The following ADGRL3 variants were observed in gnomAD, a reference collection of about 807,000 sequenced individuals.
ADGRL3 encodes calcium-independent alpha-latrotoxin receptor 3.
Under a neutral mutation model 153.5 loss-of-function variants are expected in ADGRL3, and 62 were observed. The ratio of observed to expected loss-of-function variants is 0.40; its 90% CI spans 0.33 to 0.50. The LOEUF is 0.50. Among genes scored for constraint, ADGRL3 ranks in the 20% least tolerant of loss-of-function variants. The probability of loss-of-function intolerance (pLI) is 0.47; values close to 1 mark genes in which losing one functional copy is unlikely to be tolerated. For missense variants in ADGRL3, 1,641 were observed against 1,859.4 expected (o/e 0.88, Z 2.16); for synonymous variants, 710 against 672.5 (o/e 1.06, Z -0.86).
Position 61,363,759 on chromosome 4 carries a change from AT to A in ADGRL3, c.-239-19356del, listed in dbSNP as rs76422701. ...AGATAGTTCTGGATAGTTTACTTGG[AT>A]TTTTTTTTAATCTTTTCAGTAACGC... On this transcript the variant is annotated intron_variant, in intron 1 of 26. Coordinates refer to ENST00000683033, the MANE Select transcript of ADGRL3 (RefSeq NM_001387552.1). Among the ~76,000 whole-genome samples, 16 of 151,572 alleles carry A rather than the reference AT, an allele frequency of 1.1e-4. No individual in the cohort carries two copies. The East Asian group carries it at 2.5e-3, about 24-fold the overall frequency.
intron 17 of ADGRL3, among the ~76,000 whole-genome samples, chr4:61,975,265 A>C (rs1245674315): frequency 1.3e-5 from 2 of 151,958 alleles, no homozygotes; most frequent in African/African-American, 4.8e-5. Flanking sequence ...CTCAGAAAAA[A>C]CCCTCTGTGA....
chr4:61,567,570 T>C (rs899279790), intron 4 of ADGRL3, among the ~76,000 whole-genome samples: 1 of 152,156 alleles, frequency 6.6e-6, no homozygotes, highest in African/African-American at 2.4e-5. Context: ...ACCTTGTTCT[T>C]GGACCTCCCA....
chr4:61,526,947 A>G (rs2098566417), intron 4 of ADGRL3, among the ~76,000 whole-genome samples: 1 of 152,142 alleles, frequency 6.6e-6, no homozygotes, highest in Non-Finnish European at 1.5e-5. Flanking sequence ...AGTCATTTTA[A>G]AATTCAAAAA....
intron 16 of ADGRL3, among the ~76,000 whole-genome samples, chr4:61,947,523 G>A (rs73222007): frequency 5.0e-4 from 76 of 152,230 alleles, no homozygotes; most frequent in African/African-American, 1.7e-3. Context: ...TATGTGAGAC[G>A]ATGGATATAT....
chr4:61,769,714 G>A (rs2097058802), intron 8 of ADGRL3, among the ~76,000 whole-genome samples: 1 of 151,688 alleles, frequency 6.6e-6, no homozygotes, highest in South Asian at 2.1e-4. Flanking sequence ...ACAGTCCAAG[G>A]GGGTTTGTTC....
chr4:61,920,779 A>G (rs1288423866), intron 13 of ADGRL3, among the ~76,000 whole-genome samples: 1 of 152,140 alleles, frequency 6.6e-6, no homozygotes, highest in African/African-American at 2.4e-5. Context: ...TATCAGAAGG[A>G]TTTGTCCCTT....
chr4:61,922,781 A>G (rs1342409805), intron 13 of ADGRL3, among the ~76,000 whole-genome samples: 1 of 152,182 alleles, frequency 6.6e-6, no homozygotes, highest in Admixed American at 6.5e-5. Context: ...GTGAACACAG[A>G]GTTTCTGTCT....
chr4:61,644,850 C>G lies in ADGRL3; in HGVS notation c.474-31976C>G, dbSNP rs372963900. Among the ~76,000 whole-genome samples, 67 of 152,056 alleles carry G rather than the reference C, an allele frequency of 4.4e-4. No homozygotes were observed. The South Asian group carries it at 0.013, about 30-fold the overall frequency. On this transcript the variant is annotated intron_variant, in intron 5 of 26. Coordinates refer to ENST00000683033, the MANE Select transcript of ADGRL3 (RefSeq NM_001387552.1). ...ATTCCTGGGTATCCTTGTTGACTTT[C>G]TGTCTCGTTGATCTGTCTAATGTTG...
intron 17 of ADGRL3, among the ~76,000 whole-genome samples, chr4:61,953,710 CTG>C (rs2098955907): frequency 6.6e-6 from 1 of 152,096 alleles, no homozygotes; most frequent in African/African-American, 2.4e-5. Context: ...AAGGCCTGCC[CTG>C]TGATTTAGAG....
chr4:61,576,685 G>A (rs1327022565), intron 4 of ADGRL3, among the ~76,000 whole-genome samples: 1 of 150,942 alleles, frequency 6.6e-6, no homozygotes, highest in East Asian at 1.9e-4. Flanking sequence ...TTTGATTTTT[G>A]TAAGCAGCAT....
intron 8 of ADGRL3, among the ~76,000 whole-genome samples, chr4:61,742,602 T>G (rs1222960094): frequency 6.6e-6 from 1 of 152,102 alleles, no homozygotes; most frequent in Admixed American, 6.6e-5. Flanking sequence ...TTTTAAGTAG[T>G]GTTCAAATAC....
intron 8 of ADGRL3, among the ~76,000 whole-genome samples, chr4:61,757,118 G>T (rs1277284841): frequency 1.3e-5 from 2 of 152,160 alleles, no homozygotes; most frequent in African/African-American, 2.4e-5. Flanking sequence ...TTTGGTTCAG[G>T]ATGATGCTGG....
intron 22 of ADGRL3, among the ~76,000 whole-genome samples, 183 bp from the exon 23 acceptor site, chr4:62,031,259 T>A (rs969082173): frequency 6.6e-6 from 1 of 151,642 alleles, no homozygotes; most frequent in Non-Finnish European, 1.5e-5. Flanking sequence ...CATGTATATA[T>A]CTCCTCAAGC....
At chr4:62,006,026 A>ATG (rs1560495252) in intron 21 of ADGRL3, among the ~76,000 whole-genome samples, 1 of 100,312 alleles carries the variant, frequency 1.0e-5, no homozygotes, top group East Asian at 2.7e-4. Context: ...ATATATATAT[A>ATG]TATATATTTT....
chr4:61,641,494 T>A (rs1307253439), intron 5 of ADGRL3, among the ~76,000 whole-genome samples: 2 of 140,076 alleles, frequency 1.4e-5, no homozygotes, highest in Admixed American at 7.9e-5. Context: ...TGTCCATGTG[T>A]TCTCATTGTT....
intron 6 of ADGRL3, among the ~76,000 whole-genome samples, chr4:61,704,874 T>G (rs1006725448): frequency 1.1e-4 from 16 of 152,250 alleles, no homozygotes; most frequent in Non-Finnish European, 2.1e-4. Flanking sequence ...TCTCATTGTT[T>G]AAGCTTTATC....
At chr4:61,348,008 G>T (rs1042617217) in intron 1 of ADGRL3, among the ~76,000 whole-genome samples, 8 of 151,976 alleles carry the variant, frequency 5.3e-5, no homozygotes, top group African/African-American at 1.9e-4. Flanking sequence ...ATTAAAGGCA[G>T]ACAAGGTGAC....
intron 5 of ADGRL3, among the ~76,000 whole-genome samples, chr4:61,608,605 T>A (rs2149643895): frequency 6.6e-6 from 1 of 152,362 alleles, no homozygotes; most frequent in East Asian, 1.9e-4. Context: ...TTTCTGCATA[T>A]TTTACTGCAT....
At chr4:61,886,786 C>T (rs567747736) in intron 9 of ADGRL3, among the ~76,000 whole-genome samples, 4 of 151,844 alleles carry the variant, frequency 2.6e-5, no homozygotes, top group Non-Finnish European at 4.4e-5. Context: ...GGATTACAGG[C>T]GCCCACCATC....
Sources: gnomAD v4.1 joint callset for allele counts (sites outside exome capture counted in the v4.1 genomes callset) on GRCh38, gnomAD v4.1.1 for gene constraint, MANE v1.5 for transcripts, NCBI Gene and HGNC (gene_info 2026-07-23, HGNC 2026-07-21) for gene names.